The following WWOX variants were observed in gnomAD, a reference collection of about 807,000 sequenced individuals.
The protein encoded by WWOX is WW domain-containing oxidoreductase.
WWOX carries 69 observed loss-of-function variants against 46.2 expected under a neutral mutation model. The observed-to-expected ratio is 1.49, with a 90% CI of 1.23 to 1.82. WWOX has a LOEUF of 1.82. Ranked by LOEUF, WWOX falls within the 40% of genes most tolerant of loss-of-function variation. WWOX has a pLI of 0.00. For synonymous variants in WWOX, 359 were observed against 202.6 expected (o/e 1.77, Z -6.56); for missense variants, 919 against 542.6 (o/e 1.69, Z -6.89).
chr16:78,710,905 C>T (rs547274575), intron 8 of WWOX, among the ~76,000 whole-genome samples: 3 of 152,232 alleles, frequency 2.0e-5, no homozygotes, highest in African/African-American at 7.2e-5. Context: ...GTGTGAGCCA[C>T]CATGCCAAAG....
chr16:78,495,269 T>C (rs572835833), intron 8 of WWOX, among the ~76,000 whole-genome samples: 76 of 151,178 alleles, frequency 5.0e-4, no homozygotes, highest in African/African-American at 1.6e-3. Context: ...GCCTTCTGAG[T>C]AGCTGGGATT....
intron 8 of WWOX, among the ~76,000 whole-genome samples, chr16:78,709,958 T>C (rs1317414799): frequency 6.6e-6 from 1 of 152,162 alleles, no homozygotes; most frequent in African/African-American, 2.4e-5. Context: ...CTTGAACCCC[T>C]GATCTCAGGT....
intron 5 of WWOX, among the ~76,000 whole-genome samples, chr16:78,262,908 C>T (rs972326351): frequency 1.3e-5 from 2 of 152,176 alleles, no homozygotes; most frequent in African/African-American, 4.8e-5. Context: ...TTGCAGCATT[C>T]CCTGAGGGCT....
At chr16:78,966,124 T>C (rs1309241622) in intron 8 of WWOX, among the ~76,000 whole-genome samples, 1 of 152,230 alleles carries the variant, frequency 6.6e-6, no homozygotes, top group African/African-American at 2.4e-5. Context: ...CTAAAGAACC[T>C]AGCTTTACTT....
intron 8 of WWOX, among the ~76,000 whole-genome samples, chr16:78,444,818 C>A (rs997013000): frequency 1.3e-5 from 2 of 152,174 alleles, no homozygotes; most frequent in African/African-American, 4.8e-5. Flanking sequence ...GCGTGAGCCA[C>A]CGCACCCGGC....
At chr16:79,014,008 T>C (rs1336199772) in intron 8 of WWOX, among the ~76,000 whole-genome samples, 1 of 152,200 alleles carries the variant, frequency 6.6e-6, no homozygotes, top group East Asian at 1.9e-4. Context: ...TCAGTTGGCA[T>C]GCGATATGCT....
intron 8 of WWOX, among the ~76,000 whole-genome samples, chr16:78,725,344 C>CTTTTTTTTTTTTTTTT (rs1220702069): frequency 8.1e-5 from 5 of 61,870 alleles, no homozygotes; most frequent in East Asian, 4.8e-4. Flanking sequence ...CTTTTCTTTT[C>CTTTTTTTTTTTTTTTT]TTTTTTTTTT....
chr16:79,045,596 G>A (rs534480197), intron 8 of WWOX, among the ~76,000 whole-genome samples: 2 of 152,120 alleles, frequency 1.3e-5, no homozygotes, highest in South Asian at 2.1e-4. Flanking sequence ...ACAATCTGAT[G>A]CACATCAGCT....
At chr16:78,981,515 G>A (rs1207151433) in intron 8 of WWOX, among the ~76,000 whole-genome samples, 1 of 151,590 alleles carries the variant, frequency 6.6e-6, no homozygotes, top group Non-Finnish European at 1.5e-5. Flanking sequence ...TGGGCTCACT[G>A]CAACCTCCAC....
rs554321659 is a variant in WWOX at position 78,845,728 on chromosome 16, G to A, written c.1057-365880G>A. Among the ~76,000 whole-genome samples, 6 of 152,272 alleles carry A rather than the reference G, an allele frequency of 3.9e-5. No individual in the cohort carries two copies. The South Asian group carries it at 1.2e-3, about 32-fold the overall frequency. On this transcript the variant is annotated intron_variant, in intron 8 of 8. Transcript: ENST00000566780. ...GGCCTTCCAGACACTCATTTTAAGT[G>A]ACAAAATGGTTGAAGGTTGAGATAT...
chr16:78,616,856 A>C (rs2046037764), intron 8 of WWOX, among the ~76,000 whole-genome samples: 1 of 152,128 alleles, frequency 6.6e-6, no homozygotes, highest in Non-Finnish European at 1.5e-5. Context: ...CAAAGTCCGC[A>C]CTTCCTAATG....
intron 6 of WWOX, among the ~76,000 whole-genome samples, chr16:78,412,567 A>G (rs2082706899): frequency 6.6e-6 from 1 of 152,188 alleles, no homozygotes; most frequent in Admixed American, 6.5e-5. Flanking sequence ...GAGACAAAAA[A>G]TGGAGTGGTA....
intron 5 of WWOX, among the ~76,000 whole-genome samples, chr16:78,204,716 G>A: frequency 6.6e-6 from 1 of 152,150 alleles, no homozygotes; most frequent in South Asian, 2.1e-4. Flanking sequence ...GGAGAGGCAG[G>A]AAGGCCCTGA....
chr16:79,052,058 C>A (rs2911434), intron 8 of WWOX, among the ~76,000 whole-genome samples: 2 of 147,848 alleles, frequency 1.4e-5, no homozygotes, highest in African/African-American at 5.0e-5. Context: ...TTTAATTATA[C>A]TTTAAGTTTT....
At chr16:78,755,848 T>G (rs2049632900) in intron 8 of WWOX, among the ~76,000 whole-genome samples, 1 of 152,202 alleles carries the variant, frequency 6.6e-6, no homozygotes, top group Non-Finnish European at 1.5e-5. Flanking sequence ...CCACCCCAGA[T>G]TTTTCTCCTC....
rs570623500 is a variant in WWOX at position 78,800,530 on chromosome 16, G to C, written c.1056+367778G>C. ...TCTAGGAACGGGGGTAAGCCTATAT[G>C]GTCATAATTAGCCTGCAAACGTGAA... On this transcript the variant is annotated intron_variant, in intron 8 of 8. Coordinates refer to ENST00000566780, the MANE Select transcript of WWOX (RefSeq NM_016373.4). 1.1e-4 allele frequency among the ~76,000 whole-genome samples: 16 copies of C among 152,202 alleles called. No homozygotes were observed. The South Asian group carries it at 3.3e-3, about 32-fold the overall frequency.
chr16:79,044,629 A>G (rs1362917456), intron 8 of WWOX, among the ~76,000 whole-genome samples: 2 of 152,218 alleles, frequency 1.3e-5, no homozygotes, highest in Non-Finnish European at 1.5e-5. Context: ...CTGTGGAACT[A>G]TGAGCCAATT....
intron 8 of WWOX, among the ~76,000 whole-genome samples, chr16:78,912,671 C>T (rs989842053): frequency 8.6e-5 from 13 of 151,944 alleles, no homozygotes; most frequent in African/African-American, 1.2e-4. Context: ...ATTTAAGTTC[C>T]CCTCTGTAAA....
intron 8 of WWOX, among the ~76,000 whole-genome samples, chr16:79,013,598 C>G (rs567488928): frequency 6.6e-6 from 1 of 152,240 alleles, no homozygotes; most frequent in African/African-American, 2.4e-5. Flanking sequence ...CCGGGACAGC[C>G]CACTCACCAA....
Sources: gnomAD v4.1 joint callset for allele counts (sites outside exome capture counted in the v4.1 genomes callset) on GRCh38, gnomAD v4.1.1 for gene constraint, MANE v1.5 for transcripts, NCBI Gene and HGNC (gene_info 2026-07-23, HGNC 2026-07-21) for gene names.